Variants in EXOC6 observed in about 807,000 individuals in gnomAD.
EXOC6 encodes exocyst complex component 6.
Under a neutral mutation model 112.5 loss-of-function variants are expected in EXOC6, and 60 were observed. That is an observed-to-expected ratio of 0.53 (90% confidence interval 0.43 to 0.66). The LOEUF (loss-of-function observed/expected upper bound fraction) is 0.66. Among genes scored for constraint, EXOC6 ranks in the 30% least tolerant of loss-of-function variants. EXOC6 has a pLI of 0.00. For missense variants in EXOC6, 855 were observed against 957.1 expected (o/e 0.89, Z 1.41); for synonymous variants, 295 against 308.0 (o/e 0.96, Z 0.44).
chr10:92,831,107 G>A (rs1846467456), upstream of EXOC6, among the ~76,000 whole-genome samples: 2 of 152,160 alleles, frequency 1.3e-5, no homozygotes, highest in South Asian at 4.1e-4. Context: ...TTTAGCCAGT[G>A]GAAACAGGAA....
chr10:93,023,101 A>G (rs552238251), intron 20 of EXOC6, among the ~76,000 whole-genome samples: 27 of 93,590 alleles, frequency 2.9e-4, no homozygotes, highest in South Asian at 4.3e-4. Flanking sequence ...AGTACTTATA[A>G]GGGGTCATGC....
chr10:92,969,789 G>T (rs893056109), intron 17 of EXOC6, among the ~76,000 whole-genome samples: 2 of 152,060 alleles, frequency 1.3e-5, no homozygotes, highest in African/African-American at 4.8e-5. Context: ...TGCCTTCCGG[G>T]TTCAAGCAAT....
intron 20 of EXOC6, among the ~76,000 whole-genome samples, chr10:93,044,560 G>T (rs571285333): frequency 6.6e-6 from 1 of 152,120 alleles, no homozygotes; most frequent in South Asian, 2.1e-4. Context: ...AGGCAAAATG[G>T]TAATGGGTCT....
At chr10:92,835,347 G>T (rs1846629566) in intron 1 of EXOC6, among the ~76,000 whole-genome samples, 1 of 152,036 alleles carries the variant, frequency 6.6e-6, no homozygotes, top group African/African-American at 2.4e-5. Context: ...AATATATAAG[G>T]TTTAAAAATA....
intron 18 of EXOC6, among the ~76,000 whole-genome samples, chr10:92,974,757 G>C (rs558490335): frequency 9.2e-5 from 14 of 152,282 alleles, no homozygotes; most frequent in Non-Finnish European, 7.4e-5. Context: ...TGGTGGAGAC[G>C]GGGTTTCGCT....
At chr10:92,934,255 ACTTT>A (rs1852226028) in intron 10 of EXOC6, 51 bp from the exon 11 acceptor site, 6 of 1,534,912 alleles carry the variant, frequency 3.9e-6, no homozygotes, top group African/African-American at 1.4e-5. Context: ...AGAAATACTT[ACTTT>A]CTATTAGGGT....
intron 12 of EXOC6, among the ~76,000 whole-genome samples, chr10:92,938,249 C>G (rs1439763745): frequency 6.6e-6 from 1 of 151,998 alleles, no homozygotes; most frequent in African/African-American, 2.4e-5. Flanking sequence ...GCAAGGATAC[C>G]TTTCTCATAT....
chr10:93,011,385 T>C (rs1251319038), intron 19 of EXOC6, among the ~76,000 whole-genome samples: 1 of 152,024 alleles, frequency 6.6e-6, no homozygotes, highest in African/African-American at 2.4e-5. Context: ...GCCTCCCCAG[T>C]AGGTGGAACT....
intron 14 of EXOC6, 70 bp downstream of exon 14, chr10:92,948,449 TA>T: frequency 1.1e-6 from 1 of 905,624 alleles, no homozygotes; most frequent in South Asian, 1.9e-5. Context: ...TACATAATAT[TA>T]AATATTAAGC....
intron 1 of EXOC6, among the ~76,000 whole-genome samples, chr10:92,828,785 T>C (rs1037672360): frequency 2.7e-5 from 4 of 149,138 alleles, no homozygotes; most frequent in Non-Finnish European, 4.4e-5. Context: ...GGGTTAAGGA[T>C]AGGAGGGAAA....
intron 9 of EXOC6, among the ~76,000 whole-genome samples, chr10:92,928,815 A>G (rs565876217): frequency 6.6e-6 from 1 of 152,356 alleles, no homozygotes; most frequent in South Asian, 2.1e-4. Flanking sequence ...AAACTAAGTG[A>G]ATAAGGAACT....
chr10:93,029,700 T>C (rs1287869478), intron 20 of EXOC6, among the ~76,000 whole-genome samples: 1 of 152,202 alleles, frequency 6.6e-6, no homozygotes, highest in Non-Finnish European at 1.5e-5. Flanking sequence ...ATCTTTGCCC[T>C]ACCCCTGAAA....
At chr10:92,918,761 G>A (rs1047732201) in intron 7 of EXOC6, among the ~76,000 whole-genome samples, 1 of 151,840 alleles carries the variant, frequency 6.6e-6, no homozygotes, top group Non-Finnish European at 1.5e-5. Context: ...AGGATGAGGT[G>A]ATACATATGT....
chr10:92,859,820 CATGTGT>C lies in EXOC6; in HGVS notation c.101+11187_101+11192del, dbSNP rs373922195. Among the ~76,000 whole-genome samples the C allele has an allele frequency of 1.6e-3, 164 of 103,474 alleles. 2 individuals are homozygous for C. Among genetic ancestry groups the C allele is most frequent in the Middle Eastern group, 4.5e-3 (1 of 220 alleles). 67.9% of individuals were successfully genotyped at this position (103,474 alleles called of 152,430 possible). A position where few individuals can be genotyped will look rare whatever the true frequency, so the allele number is the denominator to read the frequency against. On this transcript the variant is annotated intron_variant, in intron 1 of 21. Coordinates refer to ENST00000260762, the MANE Select transcript of EXOC6 (RefSeq NM_019053.6). ...CTGTGTGTGTGTGCACGTTTGTGTG[CATGTGT>C]GTGTGTGTGTGTGTGTGTGTGTGTG...
chr10:92,883,886 GTTCTTTTCTT>G (rs568853415), intron 1 of EXOC6, among the ~76,000 whole-genome samples: 1 of 150,306 alleles, frequency 6.7e-6, no homozygotes, highest in Non-Finnish European at 1.5e-5. Context: ...TTTTCTTTTT[GTTCTTTTCTT>G]TTCTTTTCTT....
At position 92,955,838 on chromosome 10, in the gene EXOC6, A is replaced by G. The variant is rs548514195; in HGVS notation, c.1773+124A>G. On this transcript the variant is annotated intron_variant, in intron 17 of 21. Coordinates refer to ENST00000260762, the MANE Select transcript of EXOC6 (RefSeq NM_019053.6). Reference sequence around the variant, plus strand: ...CTAAAAATTAAGAATAGAGGTATTCATTGTCAACAATGAGCAAGTAAATGT... The same window carrying G: ...CTAAAAATTAAGAATAGAGGTATTCGTTGTCAACAATGAGCAAGTAAATGT... The G allele has an allele frequency of 1.3e-4, 102 of 810,610 alleles. No homozygotes were observed. In the Middle Eastern group the frequency reaches 1.4e-3, roughly 11 times the overall value. The allele number at this position is 810,610 out of a possible 1,614,324, so 50.2% of individuals were successfully genotyped here.
chr10:93,038,918 C>G lies in EXOC6; in HGVS notation c.2170-18006C>G, dbSNP rs140719393. The stretch of plus-strand genomic sequence containing the variant: ...AAGTTATCAATGGCCCATAGAGCCA[C>G]CTATCTTCTAATTTAGATGGTGCAG... On this transcript the variant is annotated intron_variant, in intron 20 of 21. Coordinates refer to ENST00000260762, the MANE Select transcript of EXOC6 (RefSeq NM_019053.6). 3.3e-3 allele frequency among the ~76,000 whole-genome samples: 506 copies of G among 152,282 alleles called. 3 individuals are homozygous for G. The highest frequency in any genetic ancestry group is 0.012 in the African/African-American group (484 of 41,548).
chr10:92,899,573 C>T, intron 4 of EXOC6, 26 bp from the exon 5 acceptor site: 1 of 1,511,770 alleles, frequency 6.6e-7, no homozygotes, highest in African/African-American at 1.4e-5. Context: ...ATTTTGAAAG[C>T]TAAAATGTTA....
At chr10:92,919,913 A>G in intron 7 of EXOC6, 69 bp from the exon 8 acceptor site, 2 of 927,330 alleles carry the variant, frequency 2.2e-6, no homozygotes, top group Non-Finnish European at 1.6e-6. Context: ...CCTATCTTTA[A>G]CTTTACATTA....
Sources: allele counts gnomAD v4.1 joint callset (sites outside exome capture counted in the v4.1 genomes callset), GRCh38; gene constraint gnomAD v4.1.1; transcripts MANE v1.5; gene names NCBI Gene and HGNC (gene_info 2026-07-23, HGNC 2026-07-21).